ACTR3C: variants seen among roughly 807,000 people sequenced by gnomAD.
The protein encoded by ACTR3C is actin-related protein 3C.
A neutral mutation model predicts 26.3 loss-of-function variants in ACTR3C; 18 were observed. The observed-to-expected ratio is 0.68, with a 90% CI of 0.47 to 1.01. ACTR3C has a LOEUF of 1.01. ACTR3C is among the 50% of genes least tolerant of loss of function. ACTR3C has a pLI of 0.00. For synonymous variants in ACTR3C, 55 were observed against 94.5 expected (o/e 0.58, Z 2.42); for missense variants, 184 against 250.7 (o/e 0.73, Z 1.80).
the ACTR3C span, among the ~76,000 whole-genome samples, chr7:150,039,508 T>TG: frequency 4.4e-5 from 1 of 22,972 alleles, no homozygotes; most frequent in Non-Finnish European, 9.8e-5. Flanking sequence ...CCCACTCTCG[T>TG]GGGGGGTGCC....
chr7:150,278,314 C>T (rs777394371), intron 6 of ACTR3C, among the ~76,000 whole-genome samples: 14 of 152,234 alleles, frequency 9.2e-5, no homozygotes, highest in Non-Finnish European at 1.9e-4. Flanking sequence ...AATTTTAACT[C>T]ACAAAAGTTA....
chr7:150,074,289 G>A, the ACTR3C span: 2 of 152,020 alleles, frequency 1.3e-5, no homozygotes, highest in Non-Finnish European at 2.9e-5. Context: ...TGAATTAGAT[G>A]TACTGTTCTG....
At chr7:149,914,970 C>T in the ACTR3C span, among the ~76,000 whole-genome samples, 1 of 151,912 alleles carries the variant, frequency 6.6e-6, no homozygotes, top group Admixed American at 6.6e-5. Flanking sequence ...ACCTCCACCT[C>T]CCATGTTTGA....
chr7:150,007,264 G>C, the ACTR3C span, among the ~76,000 whole-genome samples: 1 of 152,178 alleles, frequency 6.6e-6, no homozygotes, highest in African/African-American at 2.4e-5. Context: ...TCCAAGGCTT[G>C]CTCATCACAT....
At chr7:150,181,355 G>GA in the ACTR3C span, among the ~76,000 whole-genome samples, 344 of 138,540 alleles carry the variant, frequency 2.5e-3, 20 homozygotes, top group African/African-American at 7.6e-3. Flanking sequence ...CTGAAGATAG[G>GA]AAAAAAAAAA....
the ACTR3C span, among the ~76,000 whole-genome samples, chr7:150,107,652 G>T: frequency 9.9e-5 from 15 of 152,052 alleles, no homozygotes; most frequent in South Asian, 1.9e-3. Flanking sequence ...TTGGATGCAT[G>T]TGTGTGAATA....
At chr7:149,963,900 T>C in the ACTR3C span, among the ~76,000 whole-genome samples, 4 of 152,234 alleles carry the variant, frequency 2.6e-5, no homozygotes, top group Admixed American at 2.0e-4. Flanking sequence ...TGTTTATGTA[T>C]ATCACTGCTA....
chr7:150,035,193 C>A, the ACTR3C span, among the ~76,000 whole-genome samples: 3 of 130,756 alleles, frequency 2.3e-5, 1 homozygote, highest in Admixed American at 7.3e-5. Context: ...CTCTCAGTCC[C>A]CGCCTCACGG....
chr7:150,005,439 C>A, the ACTR3C span, among the ~76,000 whole-genome samples: 5 of 152,138 alleles, frequency 3.3e-5, no homozygotes, highest in African/African-American at 9.6e-5. Flanking sequence ...AAAATCCTGC[C>A]TTTTCTGAAC....
the ACTR3C span, among the ~76,000 whole-genome samples, chr7:150,165,755 A>C: frequency 1.4e-5 from 2 of 143,844 alleles, no homozygotes; most frequent in Non-Finnish European, 2.9e-5. Context: ...AGTGACCCAG[A>C]GTCCATTCCT....
the ACTR3C span, among the ~76,000 whole-genome samples, chr7:149,944,338 T>C: frequency 1.5e-4 from 23 of 151,956 alleles, no homozygotes; most frequent in Admixed American, 1.1e-3. Context: ...CCAGAATGGA[T>C]TGGCCTGAAA....
the ACTR3C span, among the ~76,000 whole-genome samples, chr7:149,978,201 C>T: frequency 3.7e-4 from 56 of 152,338 alleles, no homozygotes; most frequent in African/African-American, 1.3e-3. Context: ...GCAGTGGCAG[C>T]GGAGGCCAGG....
intron 6 of ACTR3C, among the ~76,000 whole-genome samples, chr7:150,254,038 T>G (rs936987952): frequency 6.6e-6 from 1 of 152,212 alleles, no homozygotes; most frequent in African/African-American, 2.4e-5. Context: ...TCCCTAATGT[T>G]CTCCACTTAA....
At chr7:150,133,718 AT>A in the ACTR3C span, among the ~76,000 whole-genome samples, 26 of 145,664 alleles carry the variant, frequency 1.8e-4, no homozygotes, top group Admixed American at 4.7e-4. Flanking sequence ...TGAGCTAGAG[AT>A]TTTTTTTTTA....
chr7:150,148,311 T>C, the ACTR3C span, among the ~76,000 whole-genome samples: 2 of 151,884 alleles, frequency 1.3e-5, no homozygotes, highest in African/African-American at 4.8e-5. Flanking sequence ...ACCCTGTCTC[T>C]ACTAAAAATA....
At chr7:150,227,101 T>C in the ACTR3C span, among the ~76,000 whole-genome samples, 2 of 150,490 alleles carry the variant, frequency 1.3e-5, no homozygotes, top group Middle Eastern at 6.8e-3. Context: ...AATTAACACA[T>C]TCATCATCTC....
intron 6 of ACTR3C, among the ~76,000 whole-genome samples, chr7:150,262,816 A>G (rs1211051607): frequency 6.6e-6 from 1 of 152,238 alleles, no homozygotes; most frequent in Non-Finnish European, 1.5e-5. Flanking sequence ...GAAAATTACT[A>G]TGTACCAGGA....
chr7:150,029,209 T>C, the ACTR3C span, among the ~76,000 whole-genome samples: 1 of 152,036 alleles, frequency 6.6e-6, no homozygotes, highest in Non-Finnish European at 1.5e-5. Context: ...CCTTCCCTGC[T>C]AACCTCTCCT....
At chr7:150,037,400 G>A in the ACTR3C span, among the ~76,000 whole-genome samples, 8 of 57,046 alleles carry the variant, frequency 1.4e-4, 2 homozygotes, top group African/African-American at 3.5e-4. Flanking sequence ...TGCGATGGGG[G>A]TCCTAAGAGC....
Sources: allele counts gnomAD v4.1 joint callset (sites outside exome capture counted in the v4.1 genomes callset), GRCh38; gene constraint gnomAD v4.1.1; transcripts MANE v1.5; gene names NCBI Gene and HGNC (gene_info 2026-07-23, HGNC 2026-07-21).